SNX8: variants seen among roughly 807,000 people sequenced by gnomAD.
The protein encoded by SNX8 is sorting nexin 8.
A neutral mutation model predicts 51.6 loss-of-function variants in SNX8; 25 were observed. The observed-to-expected ratio is 0.48, with a 90% CI of 0.35 to 0.68. The LOEUF (loss-of-function observed/expected upper bound fraction) is 0.68, where lower values mean the gene tolerates loss of function less well. SNX8 is among the 30% of genes least tolerant of loss of function. The pLI is 0.00. For missense variants in SNX8, 695 were observed against 624.0 expected (o/e 1.11, Z -1.21); for synonymous variants, 324 against 277.0 (o/e 1.17, Z -1.68).
rs553566351 is a variant in SNX8 at position 2,292,691 on chromosome 7, G to A, written c.95-14386C>T. Among the ~76,000 whole-genome samples, 7 of 152,238 alleles carry A rather than the reference G, an allele frequency of 4.6e-5. No individual in the cohort carries two copies. In the East Asian group the frequency reaches 5.8e-4, roughly 13 times the overall value. Reference sequence around the variant, plus strand: ...CTCCCGAAGTGCTGGGATTACAGGCGTGAGCCACTGTGCCCGGCCCAGGCA... The same window carrying A: ...CTCCCGAAGTGCTGGGATTACAGGCATGAGCCACTGTGCCCGGCCCAGGCA... On this transcript the variant is annotated intron_variant, in intron 1 of 10. Transcript: ENST00000222990.
At chr7:2,339,805 T>A (rs1045003234) in intron 1 of SNX8, among the ~76,000 whole-genome samples, 3 of 152,064 alleles carry the variant, frequency 2.0e-5, no homozygotes, top group African/African-American at 7.2e-5. Context: ...TAAGAACAGA[T>A]AAATAAGAAC....
At chr7:2,324,286 T>C (rs1221345547) in intron 1 of SNX8, among the ~76,000 whole-genome samples, 7 of 141,390 alleles carry the variant, frequency 5.0e-5, no homozygotes, top group African/African-American at 1.8e-4. Context: ...CTCTATTTTC[T>C]TTCTTTCTTT....
intron 1 of SNX8, among the ~76,000 whole-genome samples, chr7:2,342,895 T>A (rs1157741120): frequency 6.6e-6 from 1 of 151,986 alleles, no homozygotes; most frequent in Non-Finnish European, 1.5e-5. Flanking sequence ...TGATCTCGGC[T>A]CGCTGCAAGC....
rs575489334 is a variant in SNX8, at chr7:2,260,223, G to A, written c.916-2420C>T. 7.3e-4 allele frequency among the ~76,000 whole-genome samples: 111 copies of A among 152,118 alleles called. 1 individual carries two copies. The highest frequency in any genetic ancestry group is 6.8e-3 in the Middle Eastern group (2 of 294). ...CGATTCTCTCCTGCCTCAGCCTCCC[G>A]AGTAGCTGAGATTACAGGTGCCCGC... On this transcript the variant is annotated intron_variant, in intron 7 of 10. Transcript: ENST00000222990.
chr7:2,281,984 C>A (rs912535731), intron 1 of SNX8, among the ~76,000 whole-genome samples: 1 of 152,128 alleles, frequency 6.6e-6, no homozygotes, highest in Non-Finnish European at 1.5e-5. Flanking sequence ...TCAGACCCAA[C>A]CCGGAACCTG....
At chr7:2,278,076 A>G (rs548127969) in intron 2 of SNX8, 24 bp downstream of exon 2, 1 of 1,603,774 alleles carries the variant, frequency 6.2e-7, no homozygotes. Context: ...TCCTGCCCCG[A>G]CACACACACA....
At chr7:2,301,635 G>A (rs1316334115) in intron 1 of SNX8, among the ~76,000 whole-genome samples, 2 of 152,106 alleles carry the variant, frequency 1.3e-5, no homozygotes, top group African/African-American at 4.8e-5. Context: ...AGTAAATTCC[G>A]GGTTGTCCAG....
chr7:2,346,486 A>G (rs1408660475), intron 1 of SNX8, among the ~76,000 whole-genome samples: 21 of 151,168 alleles, frequency 1.4e-4, no homozygotes, highest in East Asian at 9.7e-4. Flanking sequence ...GGTGGCTCAC[A>G]CCTGTAATCC....
At chr7:2,260,096 A>C (rs1460995250) in intron 7 of SNX8, among the ~76,000 whole-genome samples, 1 of 152,050 alleles carries the variant, frequency 6.6e-6, no homozygotes, top group East Asian at 1.9e-4. Context: ...GAAAGTTTAC[A>C]GATTTGGCTT....
At chr7:2,273,546 A>G (rs966806950) in intron 3 of SNX8, among the ~76,000 whole-genome samples, 2 of 149,304 alleles carry the variant, frequency 1.3e-5, no homozygotes, top group Admixed American at 6.7e-5. Context: ...AGACCGCACC[A>G]CTGCACTCCA....
chr7:2,348,631 G>A (rs1322695828), intron 1 of SNX8, among the ~76,000 whole-genome samples: 1 of 143,934 alleles, frequency 6.9e-6, no homozygotes, highest in African/African-American at 2.5e-5. Flanking sequence ...GTGAGCCACC[G>A]TGCCCGGCCC....
At chr7:2,265,190 A>G (rs2115104945) in intron 5 of SNX8, among the ~76,000 whole-genome samples, 1 of 152,228 alleles carries the variant, frequency 6.6e-6, no homozygotes, top group Admixed American at 6.5e-5. Flanking sequence ...AAAATACAAA[A>G]AATTAGCCGA....
At chr7:2,264,827 G>A (rs929314699) in intron 5 of SNX8, among the ~76,000 whole-genome samples, 1 of 151,878 alleles carries the variant, frequency 6.6e-6, no homozygotes, top group African/African-American at 2.4e-5. Flanking sequence ...CTCAGGTCAG[G>A]AGTTCAAGAC....
At chr7:2,351,848 AT>A (rs1779147818) in intron 1 of SNX8, among the ~76,000 whole-genome samples, 1 of 151,196 alleles carries the variant, frequency 6.6e-6, no homozygotes, top group Non-Finnish European at 1.5e-5. Flanking sequence ...AAATAAATAA[AT>A]AAATAAAGAT....
intron 1 of SNX8, among the ~76,000 whole-genome samples, chr7:2,300,709 C>A (rs1356916830): frequency 6.6e-6 from 1 of 152,014 alleles, no homozygotes; most frequent in Non-Finnish European, 1.5e-5. Flanking sequence ...GTGGTGCAAT[C>A]TTGGCTCCCT....
chr7:2,269,161 G>C (rs62403341), intron 5 of SNX8, among the ~76,000 whole-genome samples: 3,627 of 149,776 alleles, frequency 0.024, 159 homozygotes, highest in African/African-American at 0.084. Context: ...AGACATGGGA[G>C]ACTTTTCATT....
chr7:2,332,743 AAAGGAAGGAAGGAAGG>A (rs57859551), intron 1 of SNX8, among the ~76,000 whole-genome samples: 2 of 140,280 alleles, frequency 1.4e-5, no homozygotes, highest in Non-Finnish European at 3.0e-5. Flanking sequence ...GAGAGAGAGA[AAAGGAAGGAAGGAAGG>A]AAGGAAGGAA....
At chr7:2,301,102 G>T (rs527815378) in intron 1 of SNX8, among the ~76,000 whole-genome samples, 1 of 152,324 alleles carries the variant, frequency 6.6e-6, no homozygotes, top group South Asian at 2.1e-4. Context: ...AGATAAAAAG[G>T]ACCTAGCACA....
intron 1 of SNX8, among the ~76,000 whole-genome samples, chr7:2,331,705 AAAAT>A (rs61385746): frequency 1.2e-3 from 170 of 145,592 alleles, no homozygotes; most frequent in African/African-American, 3.1e-3. Context: ...ACTCCGTCTC[AAAAT>A]AAATAAATAA....
Sources: allele counts gnomAD v4.1 joint callset (sites outside exome capture counted in the v4.1 genomes callset), GRCh38; gene constraint gnomAD v4.1.1; transcripts MANE v1.5; gene names NCBI Gene and HGNC (gene_info 2026-07-23, HGNC 2026-07-21).